Variants in XRRA1 observed in about 807,000 individuals in gnomAD.
XRRA1 encodes the protein X-ray radiation resistance associated 1.
A neutral mutation model predicts 80.2 loss-of-function variants in XRRA1; 69 were observed. The ratio of observed to expected loss-of-function variants is 0.86; its 90% CI spans 0.71 to 1.05. The LOEUF (loss-of-function observed/expected upper bound fraction) is 1.05. Ranked by LOEUF, XRRA1 falls within the 50% of genes least tolerant of loss-of-function variation. XRRA1 has a pLI of 0.00. For missense variants in XRRA1, 967 were observed against 976.4 expected (o/e 0.99, Z 0.13); for synonymous variants, 348 against 389.9 (o/e 0.89, Z 1.27).
chr11:74,867,475 C>T (rs2043694521), intron 10 of XRRA1, among the ~76,000 whole-genome samples: 2 of 152,086 alleles, frequency 1.3e-5, no homozygotes, highest in South Asian at 4.1e-4. Flanking sequence ...TGAGGAAAGA[C>T]TCAGAGCTGA....
chr11:74,895,871 T>C (rs1280523089), intron 10 of XRRA1, among the ~76,000 whole-genome samples: 1 of 152,158 alleles, frequency 6.6e-6, no homozygotes, highest in Non-Finnish European at 1.5e-5. Context: ...ATTCATCACA[T>C]GGCCCTTGAT....
intron 10 of XRRA1, among the ~76,000 whole-genome samples, chr11:74,881,740 A>G (rs1277160324): frequency 4.0e-5 from 6 of 151,144 alleles, no homozygotes; most frequent in African/African-American, 1.2e-4. Flanking sequence ...TTGTCTGTAA[A>G]GGATTTTATT....
chr11:74,863,779 A>G (rs1357326353), intron 10 of XRRA1: 1 of 152,248 alleles, frequency 6.6e-6, no homozygotes, highest in Non-Finnish European at 1.5e-5. Context: ...AGGAGATGGA[A>G]CAACATGGCA....
chr11:74,922,659 A>G (rs1941190019), intron 7 of XRRA1, among the ~76,000 whole-genome samples: 1 of 152,196 alleles, frequency 6.6e-6, no homozygotes, highest in African/African-American at 2.4e-5. Context: ...TCAGTATTAC[A>G]TAGTCAGACA....
At chr11:74,870,364 G>C (rs768680653) in intron 10 of XRRA1, among the ~76,000 whole-genome samples, 7 of 152,202 alleles carry the variant, frequency 4.6e-5, no homozygotes, top group Non-Finnish European at 8.8e-5. Flanking sequence ...ATTAACCTCA[G>C]ACTCTGACTG....
At chr11:74,942,607 A>G (rs1946552430) in intron 2 of XRRA1, among the ~76,000 whole-genome samples, 1 of 152,210 alleles carries the variant, frequency 6.6e-6, no homozygotes, top group African/African-American at 2.4e-5. Flanking sequence ...CAGAGTCACT[A>G]CCAAGAATAA....
chr11:74,915,631 G>C (rs191231072), intron 8 of XRRA1, among the ~76,000 whole-genome samples: 1 of 152,272 alleles, frequency 6.6e-6, no homozygotes, highest in Admixed American at 6.5e-5. Context: ...TCCTTTACTA[G>C]ATTATAAATG....
intron 10 of XRRA1, among the ~76,000 whole-genome samples, chr11:74,897,560 T>C (rs2052620083): frequency 1.3e-5 from 2 of 151,970 alleles, no homozygotes; most frequent in Admixed American, 1.3e-4. Flanking sequence ...CTTCAAGGCA[T>C]TTAATCAAAT....
At chr11:74,897,352 T>C (rs1382329175) in intron 10 of XRRA1, among the ~76,000 whole-genome samples, 1 of 151,906 alleles carries the variant, frequency 6.6e-6, no homozygotes, top group Non-Finnish European at 1.5e-5. Context: ...AACAGTGAAG[T>C]ATGCCTACCA....
intron 12 of XRRA1, among the ~76,000 whole-genome samples, chr11:74,857,530 G>A (rs2135784967): frequency 6.6e-6 from 1 of 152,320 alleles, no homozygotes; most frequent in South Asian, 2.1e-4. Context: ...CACGTCTGGA[G>A]ATTTTAACAC....
chr11:74,871,520 A>G (rs929124614), intron 10 of XRRA1, among the ~76,000 whole-genome samples: 4 of 152,214 alleles, frequency 2.6e-5, no homozygotes, highest in African/African-American at 9.7e-5. Flanking sequence ...TGGACAATCA[A>G]CCAAGCTCTT....
intron 10 of XRRA1, among the ~76,000 whole-genome samples, chr11:74,886,489 G>C (rs555392256): frequency 7.2e-5 from 11 of 151,890 alleles, no homozygotes; most frequent in Admixed American, 6.6e-4. Context: ...AACATACCTA[G>C]GAATACAGCT....
At position 74,936,963 on chromosome 11, in the gene XRRA1, A is replaced by G. The variant is rs777159153; in HGVS notation, c.200T>C (p.Phe67Ser). The change falls in exon 4 of 19, where the codon TTT becomes TCT. Residue 67 changes from phenylalanine (F) to serine (S), a missense_variant. Phe to Ser is a radical substitution (Grantham distance 155). Transcript: ENST00000684022. The stretch of plus-strand genomic sequence containing the variant: ...AGACTCTTTCTTCCCCTTGAACTCA[A>G]AAGAAGTCGCCTTCAGGCTTTCCCG... ...ERRESLKATS[F>S]EFKGKKESRR... 1.2e-5 allele frequency: 20 copies of G among 1,613,642 alleles called. No individual in the cohort carries two copies. The South Asian group carries it at 2.1e-4, about 17-fold the overall frequency.
chr11:74,869,010 T>C (rs961289474), intron 10 of XRRA1, among the ~76,000 whole-genome samples: 3 of 152,106 alleles, frequency 2.0e-5, no homozygotes, highest in African/African-American at 7.2e-5. Flanking sequence ...AATTGACATC[T>C]ACAGAACACT....
chr11:74,922,941 G>C (rs1941265877), intron 7 of XRRA1, among the ~76,000 whole-genome samples: 5 of 152,010 alleles, frequency 3.3e-5, no homozygotes, highest in Admixed American at 3.3e-4. Flanking sequence ...TATGTATAAG[G>C]CTTACTTTGT....
At chr11:74,888,251 A>G (rs575558786) in intron 10 of XRRA1, among the ~76,000 whole-genome samples, 1 of 152,296 alleles carries the variant, frequency 6.6e-6, no homozygotes, top group East Asian at 1.9e-4. Flanking sequence ...AAGCAGCAAC[A>G]TCTGCTGTTC....
chr11:74,882,496 T>G (rs902536621), intron 10 of XRRA1, among the ~76,000 whole-genome samples: 36 of 152,326 alleles, frequency 2.4e-4, no homozygotes, highest in African/African-American at 8.7e-4. Context: ...GTCTGAAGCC[T>G]TCTTCTCTCA....
intron 14 of XRRA1, chr11:74,850,856 T>C (rs1173573639): frequency 1.1e-5 from 3 of 273,924 alleles, no homozygotes; most frequent in Non-Finnish European, 2.1e-5. Context: ...TCAATTACTG[T>C]AGGTGACTAT....
At chr11:74,863,172 G>C (rs1297682283) in intron 10 of XRRA1, 151 bp from the exon 11 acceptor site, 1 of 730,752 alleles carries the variant, frequency 1.4e-6, no homozygotes, top group East Asian at 2.7e-5. Flanking sequence ...TAACTAGGAA[G>C]AGGAGCTGGC....
Sources: gnomAD v4.1 joint callset for allele counts (sites outside exome capture counted in the v4.1 genomes callset) on GRCh38, gnomAD v4.1.1 for gene constraint, MANE v1.5 for transcripts, NCBI Gene and HGNC (gene_info 2026-07-23, HGNC 2026-07-21) for gene names.